RGS5: variants seen among roughly 807,000 people sequenced by gnomAD.
The protein encoded by RGS5 is regulator of G-protein signalling 5.
A neutral mutation model predicts 18.9 loss-of-function variants in RGS5; 20 were observed. That is an observed-to-expected ratio of 1.06 (90% CI 0.74 to 1.54). The LOEUF is 1.54. Among genes scored for constraint, RGS5 ranks in the 40% most tolerant of loss-of-function variants. RGS5 has a pLI of 0.00. For synonymous variants in RGS5, 57 were observed against 76.2 expected (o/e 0.75, Z 1.31); for missense variants, 201 against 211.8 (o/e 0.95, Z 0.32).
At chr1:163,201,166 A>C (rs1404615025) in intron 1 of RGS5, among the ~76,000 whole-genome samples, 1 of 152,196 alleles carries the variant, frequency 6.6e-6, no homozygotes, top group East Asian at 1.9e-4. Flanking sequence ...ACACAATTTC[A>C]AACAATAAGT....
At chr1:163,165,991 C>T (rs1163695272) in intron 2 of RGS5, among the ~76,000 whole-genome samples, 1 of 151,700 alleles carries the variant, frequency 6.6e-6, no homozygotes, top group Non-Finnish European at 1.5e-5. Context: ...TTAGAAACAA[C>T]AGTTCGGGTG....
At chr1:163,150,326 A>G (rs1657324120) in intron 4 of RGS5, among the ~76,000 whole-genome samples, 1 of 152,208 alleles carries the variant, frequency 6.6e-6, no homozygotes, top group Non-Finnish European at 1.5e-5. Context: ...ATAATAACCA[A>G]TAATGTTTTC....
chr1:163,203,014 A>G (rs2101663106), upstream of RGS5: 1 of 581,656 alleles, frequency 1.7e-6, no homozygotes, highest in African/African-American at 1.9e-5. Context: ...TGCAGGCTGG[A>G]GAGCAGCAGC....
At chr1:163,253,524 G>A (rs1266601762) in intron 2 of RGS5, among the ~76,000 whole-genome samples, 1 of 150,976 alleles carries the variant, frequency 6.6e-6, no homozygotes, top group Admixed American at 6.6e-5. Context: ...TGGGCAGCCT[G>A]GTCTTGAACC....
intron 1 of RGS5, among the ~76,000 whole-genome samples, chr1:163,315,444 T>C (rs1370558236): frequency 6.6e-6 from 1 of 152,138 alleles, no homozygotes; most frequent in Non-Finnish European, 1.5e-5. Flanking sequence ...ATTTTAAGAA[T>C]ATCTAATTTG....
intron 4 of RGS5, among the ~76,000 whole-genome samples, chr1:163,147,938 T>TTTTTTTTTTTG (rs1203775518): frequency 1.4e-5 from 2 of 145,920 alleles, no homozygotes; most frequent in African/African-American, 5.1e-5. Flanking sequence ...TTTTTTTTTT[T>TTTTTTTTTTTG]TTGTTGGATA....
intron 4 of RGS5, among the ~76,000 whole-genome samples, chr1:163,147,912 C>CCTTTTCTTT (rs1557878003): frequency 9.8e-6 from 1 of 101,920 alleles, no homozygotes; most frequent in African/African-American, 3.9e-5. Context: ...GTGCTTTTTT[C>CCTTTTCTTT]TTTTTCTTTT....
upstream of RGS5, chr1:163,206,921 T>C (rs767766524): frequency 5.3e-5 from 8 of 152,240 alleles, no homozygotes; most frequent in Non-Finnish European, 1.0e-4. Context: ...TGTTTTGATT[T>C]ATATAAATAT....
intron 1 of RGS5, chr1:163,319,295 G>A (rs1356581180): frequency 6.6e-6 from 1 of 152,198 alleles, no homozygotes; most frequent in Non-Finnish European, 1.5e-5. Flanking sequence ...GTGCAGTCTA[G>A]AAAAGGAACA....
chr1:163,293,738 G>A (rs1247486038), intron 2 of RGS5, among the ~76,000 whole-genome samples: 1 of 152,096 alleles, frequency 6.6e-6, no homozygotes, highest in African/African-American at 2.4e-5. Flanking sequence ...TTCCAACTAC[G>A]AGCCTGTAAA....
chr1:163,283,465 A>T (rs1000516946), intron 2 of RGS5, among the ~76,000 whole-genome samples: 1 of 152,176 alleles, frequency 6.6e-6, no homozygotes, highest in African/African-American at 2.4e-5. Context: ...TTTACTTATG[A>T]TTATGATAAT....
At chr1:163,230,839 T>A (rs1045776544) in intron 2 of RGS5, among the ~76,000 whole-genome samples, 1 of 152,170 alleles carries the variant, frequency 6.6e-6, no homozygotes, top group African/African-American at 2.4e-5. Flanking sequence ...TTGTAACAAG[T>A]TTCTATATGC....
chr1:163,183,150 G>T (rs1658927170), intron 1 of RGS5, among the ~76,000 whole-genome samples: 1 of 152,090 alleles, frequency 6.6e-6, no homozygotes, highest in Non-Finnish European at 1.5e-5. Flanking sequence ...CTTTTTAAAA[G>T]AGTTTGCTGA....
chr1:163,298,803 C>T (rs996317561), intron 2 of RGS5, among the ~76,000 whole-genome samples: 1 of 152,116 alleles, frequency 6.6e-6, no homozygotes, highest in Non-Finnish European at 1.5e-5. Flanking sequence ...CTTGTATTTG[C>T]TGTTTCCCAA....
chr1:163,271,912 A>G (rs1648728763), intron 2 of RGS5, among the ~76,000 whole-genome samples: 1 of 152,146 alleles, frequency 6.6e-6, no homozygotes, highest in Non-Finnish European at 1.5e-5. Context: ...TTTCATCAGC[A>G]ATGAATGAGA....
intron 1 of RGS5, among the ~76,000 whole-genome samples, chr1:163,314,824 G>A (rs1232806209): frequency 2.6e-5 from 4 of 152,100 alleles, no homozygotes; most frequent in Non-Finnish European, 5.9e-5. Flanking sequence ...TCCATTATGC[G>A]AGGGCACAGC....
intron 2 of RGS5, among the ~76,000 whole-genome samples, chr1:163,297,768 G>T (rs1649456556): frequency 6.6e-6 from 1 of 152,010 alleles, no homozygotes; most frequent in Non-Finnish European, 1.5e-5. Context: ...GAGAAAATTA[G>T]TTTTTCTTCT....
intron 2 of RGS5, among the ~76,000 whole-genome samples, chr1:163,223,662 T>A (rs1333645583): frequency 1.3e-5 from 2 of 152,240 alleles, no homozygotes; most frequent in Non-Finnish European, 2.9e-5. Flanking sequence ...CTTCCAGCTA[T>A]ACTCTAGAGT....
At chr1:163,226,898 T>A (rs1647349050) in intron 2 of RGS5, among the ~76,000 whole-genome samples, 1 of 152,206 alleles carries the variant, frequency 6.6e-6, no homozygotes, top group Non-Finnish European at 1.5e-5. Context: ...CCACTTCAGT[T>A]TTTAAGGATT....
Sources: gnomAD v4.1 joint callset for allele counts (sites outside exome capture counted in the v4.1 genomes callset) on GRCh38, gnomAD v4.1.1 for gene constraint, MANE v1.5 for transcripts, NCBI Gene and HGNC (gene_info 2026-07-23, HGNC 2026-07-21) for gene names.